The following ALS2CL variants were observed in gnomAD, a reference collection of about 807,000 sequenced individuals.
The protein encoded by ALS2CL is ALS2 C-terminal-like protein.
Under a neutral mutation model 127.9 loss-of-function variants are expected in ALS2CL, and 112 were observed. That is an observed-to-expected ratio of 0.88 (90% CI 0.75 to 1.02). ALS2CL has a LOEUF of 1.02. ALS2CL is among the 50% of genes least tolerant of loss of function. The pLI is 0.00. For synonymous variants in ALS2CL, 519 were observed against 527.6 expected (o/e 0.98, Z 0.22); for missense variants, 1,174 against 1,236.7 (o/e 0.95, Z 0.76).
chr3:46,675,523 C>T, intron 20 of ALS2CL, 95 bp downstream of exon 20: 1 of 1,215,566 alleles, frequency 8.2e-7, no homozygotes, highest in South Asian at 1.3e-5. Context: ...CCAGCACTTC[C>T]CCAGAAGCAC....
At chr3:46,671,609 G>C in intron 24 of ALS2CL, 25 bp from the exon 25 acceptor site, 1 of 1,613,620 alleles carries the variant, frequency 6.2e-7, no homozygotes, top group African/African-American at 1.3e-5. Flanking sequence ...CCCACCAAGA[G>C]AGCGAGGGAG....
At chr3:46,682,826 A>T (rs1048789144) in intron 10 of ALS2CL, among the ~76,000 whole-genome samples, 1 of 152,186 alleles carries the variant, frequency 6.6e-6, no homozygotes, top group African/African-American at 2.4e-5. Flanking sequence ...CCAGACAATG[A>T]GGTACAGATG....
chr3:46,679,529 T>A, intron 14 of ALS2CL: 1 of 311,052 alleles, frequency 3.2e-6, no homozygotes, highest in South Asian at 7.0e-5. Flanking sequence ...CCCTGGCTCC[T>A]CACCCCAGCG....
Position 46,674,569 on chromosome 3 carries a change from T to C in ALS2CL, c.2426A>G (p.Gln809Arg). 1 of 1,611,852 alleles carries C rather than the reference T, an allele frequency of 6.2e-7. No homozygotes were observed. The highest frequency in any genetic ancestry group is 1.1e-5 in the South Asian group (1 of 90,596). Residue 809 changes from glutamine to arginine, a missense_variant, in exon 21 of 26, where the codon CAG becomes CGG. Coordinates refer to ENST00000318962, the MANE Select transcript of ALS2CL (RefSeq NM_147129.5). The part of the protein sequence containing the change: ...DTQLLEFLDV[Q>R]KHLWPLKDLT... ...CACGGGGGAAGGGAAGGCTTACTTC[T>C]GCACATCCAGGAACTCGAGCAGTTG...
At chr3:46,687,520 C>T in intron 4 of ALS2CL, 99 bp downstream of exon 4, 1 of 1,353,154 alleles carries the variant, frequency 7.4e-7, no homozygotes, top group South Asian at 1.3e-5. Context: ...GAGTTGTGGG[C>T]TGTGACACCT....
At chr3:46,691,306 T>C (rs1160116244) in intron 1 of ALS2CL, among the ~76,000 whole-genome samples, 1 of 152,010 alleles carries the variant, frequency 6.6e-6, no homozygotes, top group African/African-American at 2.4e-5. Flanking sequence ...CCAAGCCTGG[T>C]TGGGAAGGTA....
Position 46,681,394 on chromosome 3 carries a change from C to T in ALS2CL, c.1288G>A (p.Glu430Lys), listed in dbSNP as rs1180484664. 14 of 1,605,480 alleles carry T rather than the reference C, an allele frequency of 8.7e-6. No homozygotes were observed. The highest frequency in any genetic ancestry group is 2.2e-5 in the East Asian group (1 of 44,652). Reference protein sequence around the residue: ...GYGICEYSTDEVYKGYFQEGL... With the variant: ...GYGICEYSTDKVYKGYFQEGL... Reference sequence around the variant, plus strand: ...TCCTGGAAGTAGCCCTTGTACACCTCGTCGGTGCTGTACCTGGGGAGGGCC... The same window carrying T: ...TCCTGGAAGTAGCCCTTGTACACCTTGTCGGTGCTGTACCTGGGGAGGGCC... Residue 430 changes from glutamate (E) to lysine (K), a missense_variant, in exon 13 of 26, where the codon GAG becomes AAG. Coordinates refer to ENST00000318962, the MANE Select transcript of ALS2CL (RefSeq NM_147129.5). The surrounding 1 kb of genome is among the most constrained non-coding windows in gnomAD (Gnocchi z 4.9).
At position 46,685,648 on chromosome 3, in the gene ALS2CL, G is replaced by T. The variant is rs765127112; in HGVS notation, c.667-4C>A. ...GAGCAGGGGTGCAGAGCACATCCTG[G>T]TGGGGCAAAGAGGACAGTACAAGGC... On this transcript the variant is annotated splice_region_variant and splice_polypyrimidine_tract_variant and intron_variant, in intron 6 of 25. Transcript: ENST00000318962. 5.0e-6 allele frequency: 8 copies of T among 1,613,218 alleles called. No homozygotes were observed. The Middle Eastern group carries it at 5.1e-4, about 102-fold the overall frequency.
chr3:46,671,535 G>C lies in ALS2CL; in HGVS notation c.2734C>G (p.Pro912Ala), dbSNP rs763330169. 6.2e-7 allele frequency: 1 copy of C among 1,613,926 alleles called. No individual in the cohort carries two copies. The highest frequency in any genetic ancestry group is 8.5e-7 in the Non-Finnish European group (1 of 1,179,990). ...TCATACAGGCCTCCTGTGTGGTTGG[G>C]GTCCATCATGTCACGGATCAGGTGG... ...EIHLIRDMMD[P>A]NHTGGLYDFL... Residue 912 changes from proline (P) to alanine (A), a missense_variant, in exon 25 of 26, where the codon CCC (proline) becomes GCC (alanine). Physicochemically the swap from Pro to Ala is conservative, Grantham distance 27. Coordinates refer to ENST00000318962, the MANE Select transcript of ALS2CL (RefSeq NM_147129.5).
intron 1 of ALS2CL, among the ~76,000 whole-genome samples, chr3:46,693,015 A>G (rs1297558183): frequency 6.6e-6 from 1 of 152,048 alleles, no homozygotes; most frequent in Non-Finnish European, 1.5e-5. Context: ...TCTGGTGCCC[A>G]GTGGGGGAGA....
Position 46,674,620 on chromosome 3 carries a change from G to T in ALS2CL, c.2375C>A (p.Ala792Asp). The T allele has an allele frequency of 6.2e-7, 1 of 1,614,142 alleles. No homozygotes were observed. The highest frequency in any genetic ancestry group is 1.1e-5 in the South Asian group (1 of 91,068). The stretch of plus-strand genomic sequence containing the variant: ...GGTATCAGGAAAGAGGCTCAAGTTG[G>T]CAATGCCCTGGCTGTAGAAGCTGTC... ...REDSFYSQGI[A>D]NLSLFPDTQL... Residue 792 changes from alanine (A) to aspartate (D), a missense_variant, in exon 21 of 26, where the codon GCC (alanine) becomes GAC (aspartate). Coordinates refer to ENST00000318962, the MANE Select transcript of ALS2CL (RefSeq NM_147129.5).
rs201526529 is a variant in ALS2CL, at chr3:46,683,824, G to A, written c.870C>T (p.Pro290=). The part of the protein sequence containing the change: ...QDGCTFHLLT[P]EEEFSFCAKD... ...TGGCACAAAAGGAGAACTCTTCTTC[G>A]GGCGTGAGGAGGTGAAACGTGCACC... Residue 290 remains proline, a synonymous_variant, in exon 9 of 26, where the codon CCC becomes CCT. Transcript: ENST00000318962. 4.9e-5 allele frequency: 79 copies of A among 1,614,130 alleles called. No individual in the cohort carries two copies. The highest frequency in any genetic ancestry group is 2.0e-4 in the Admixed American group (12 of 60,028).
intron 1 of ALS2CL, among the ~76,000 whole-genome samples, chr3:46,691,314 G>A (rs1464421964): frequency 6.6e-6 from 1 of 152,140 alleles, no homozygotes; most frequent in East Asian, 1.9e-4. Flanking sequence ...GGTTGGGAAG[G>A]TAGAAGAAAG....
Position 46,681,711 on chromosome 3 carries a change from G to A in ALS2CL, c.1176-113C>T, listed in dbSNP as rs1226730430. ...CCCAAGGAGCCTTCCAGACAACAGG[G>A]AGACTCTCAGAGGCCCTCAGCCTTC... On this transcript the variant is annotated intron_variant, in intron 11 of 25. Transcript: ENST00000318962. The surrounding 1 kb of genome is among the most constrained non-coding windows in gnomAD (Gnocchi z 4.9). 3.8e-6 allele frequency: 4 copies of A among 1,045,156 alleles called. No individual in the cohort carries two copies. Among genetic ancestry groups the A allele is most frequent in the Non-Finnish European group, 5.7e-6 (4 of 702,736 alleles). 64.7% of individuals were successfully genotyped at this position (1,045,156 alleles called of 1,614,324 possible).
intron 25 of ALS2CL, 69 bp downstream of exon 25, chr3:46,671,419 G>T: frequency 6.2e-7 from 1 of 1,600,994 alleles, no homozygotes. Context: ...TATGATGTCT[G>T]GGAAGGGAAA....
intron 18 of ALS2CL, 96 bp from the exon 19 acceptor site, chr3:46,676,498 C>A: frequency 1.3e-6 from 2 of 1,567,552 alleles, no homozygotes; most frequent in Non-Finnish European, 1.7e-6. Flanking sequence ...CCATCTCATA[C>A]ACGAGAACAC....
chr3:46,690,354 C>T (rs1700081094), intron 1 of ALS2CL, among the ~76,000 whole-genome samples: 2 of 152,232 alleles, frequency 1.3e-5, no homozygotes, highest in Non-Finnish European at 1.5e-5. Flanking sequence ...CACAACCATC[C>T]ACCCTGAAGG....
At chr3:46,682,127 C>A in intron 10 of ALS2CL, 33 bp from the exon 11 acceptor site, 1 of 1,610,102 alleles carries the variant, frequency 6.2e-7, no homozygotes, top group Non-Finnish European at 8.5e-7. Context: ...GAGCCTCAGG[C>A]CTACCCACCC....
intron 19 of ALS2CL, 35 bp from the exon 20 acceptor site, chr3:46,675,721 C>T (rs764657519): frequency 3.7e-6 from 6 of 1,612,060 alleles, no homozygotes; most frequent in Non-Finnish European, 5.1e-6. Flanking sequence ...GTGTGGCTGC[C>T]CCTTGCCACA....
Sources: gnomAD v4.1 joint callset for allele counts (sites outside exome capture counted in the v4.1 genomes callset) on GRCh38, gnomAD v4.1.1 for gene constraint, Gnocchi (gnomAD v3.1) non-coding constraint, MANE v1.5 for transcripts, NCBI Gene and HGNC (gene_info 2026-07-23, HGNC 2026-07-21) for gene names.